Variants in ERGIC1 observed in about 807,000 individuals in gnomAD.
The protein encoded by ERGIC1 is endoplasmic reticulum-Golgi intermediate compartment protein 1.
ERGIC1 carries 19 observed loss-of-function variants against 38.3 expected under a neutral mutation model. The ratio of observed to expected loss-of-function variants is 0.50; its 90% CI spans 0.35 to 0.73. ERGIC1 has a LOEUF of 0.73. Ranked by LOEUF, ERGIC1 falls within the 30% of genes least tolerant of loss-of-function variation. ERGIC1 has a pLI of 0.01. For synonymous variants in ERGIC1, 124 were observed against 157.6 expected (o/e 0.79, Z 1.60); for missense variants, 294 against 389.2 (o/e 0.76, Z 2.06).
chr5:172,886,091 CCT>C (rs1762410716), intron 1 of ERGIC1, among the ~76,000 whole-genome samples: 1 of 152,004 alleles, frequency 6.6e-6, no homozygotes, highest in South Asian at 2.1e-4. Context: ...AATTTGCTGA[CCT>C]CTCACAGTCT....
chr5:172,944,121 T>G (rs921473431), intron 9 of ERGIC1, among the ~76,000 whole-genome samples: 1 of 152,168 alleles, frequency 6.6e-6, no homozygotes, highest in African/African-American at 2.4e-5. Context: ...TATTGAATTG[T>G]CCTTGTTTTT....
intron 8 of ERGIC1, chr5:172,933,329 T>A (rs1208240967): frequency 6.6e-6 from 1 of 152,206 alleles, no homozygotes; most frequent in Non-Finnish European, 1.5e-5. Flanking sequence ...CTGTCACTCA[T>A]TGAGTACTTC....
At chr5:172,868,106 C>G (rs1413683954) in intron 1 of ERGIC1, among the ~76,000 whole-genome samples, 1 of 152,270 alleles carries the variant, frequency 6.6e-6, no homozygotes, top group African/African-American at 2.4e-5. Context: ...ATGATAATCA[C>G]AGCTCACATC....
chr5:172,945,187 G>T (rs1379883442), intron 9 of ERGIC1, among the ~76,000 whole-genome samples: 1 of 152,202 alleles, frequency 6.6e-6, no homozygotes, highest in African/African-American at 2.4e-5. Context: ...CCAAAGGATG[G>T]AACCCACCTC....
chr5:172,942,598 G>A (rs1228886072), intron 9 of ERGIC1, among the ~76,000 whole-genome samples: 1 of 152,234 alleles, frequency 6.6e-6, no homozygotes, highest in African/African-American at 2.4e-5. Flanking sequence ...ACCCATATTA[G>A]GAGCTTGGTG....
chr5:172,873,855 G>C (rs2113178949), intron 1 of ERGIC1, among the ~76,000 whole-genome samples: 1 of 152,340 alleles, frequency 6.6e-6, no homozygotes, highest in Non-Finnish European at 1.5e-5. Context: ...GGAAATGCCA[G>C]TCCCCTTTCC....
intron 1 of ERGIC1, among the ~76,000 whole-genome samples, chr5:172,869,185 TC>T (rs35503604): frequency 6.6e-6 from 1 of 152,134 alleles, no homozygotes. Flanking sequence ...AGACAGATCT[TC>T]CCCCCTGGGG....
chr5:172,933,912 CAAAA>C (rs5873346), intron 8 of ERGIC1: 2 of 142,458 alleles, frequency 1.4e-5, no homozygotes, highest in East Asian at 2.0e-4. Flanking sequence ...CCTAGCCCAC[CAAAA>C]AAAAAAAGCC....
intron 1 of ERGIC1, among the ~76,000 whole-genome samples, chr5:172,883,889 G>A (rs777060892): frequency 1.3e-5 from 2 of 152,154 alleles, no homozygotes; most frequent in Non-Finnish European, 2.9e-5. Flanking sequence ...AGGCTGAGGT[G>A]GGAGGATCGC....
intron 3 of ERGIC1, among the ~76,000 whole-genome samples, chr5:172,909,108 C>T (rs1281634550): frequency 1.3e-5 from 2 of 151,602 alleles, no homozygotes; most frequent in African/African-American, 2.4e-5. Flanking sequence ...GAAAGATATG[C>T]TCTTACCACC....
intron 1 of ERGIC1, chr5:172,867,554 G>A (rs1430478196): frequency 1.4e-5 from 6 of 442,820 alleles, no homozygotes; most frequent in Non-Finnish European, 2.8e-5. Context: ...TTGGCTCACT[G>A]CAGAGGTGTT....
Position 172,935,176 on chromosome 5 carries a change from C to A in ERGIC1, c.643-12C>A. On this transcript the variant is annotated splice_polypyrimidine_tract_variant and intron_variant, in intron 8 of 9. Transcript: ENST00000393784. ...CAGTTTGTACTTCTGATTCTTATATCCTCTACCCCAGGAATACGTCGCCTA... is the reference window on the plus strand; with the variant it reads ...CAGTTTGTACTTCTGATTCTTATATACTCTACCCCAGGAATACGTCGCCTA... The A allele has an allele frequency of 6.2e-7, 1 of 1,614,028 alleles. No individual in the cohort carries two copies. Among genetic ancestry groups the A allele is most frequent in the East Asian group, 2.2e-5 (1 of 44,872 alleles).
chr5:172,863,267 A>G (rs912394554), intron 1 of ERGIC1, among the ~76,000 whole-genome samples: 1 of 152,202 alleles, frequency 6.6e-6, no homozygotes, highest in African/African-American at 2.4e-5. Flanking sequence ...TCTTTTTACT[A>G]AAAAGTGAGA....
Position 172,834,583 on chromosome 5 carries a change from C to T in ERGIC1, c.20+150C>T, listed in dbSNP as rs1250358629. ...GGCCCCTAGGGACCCCAGGCGAGCCCCCCCCCTGCCGCACACGAAGCCAGC... is the reference window on the plus strand; with the variant it reads ...GGCCCCTAGGGACCCCAGGCGAGCCTCCCCCCTGCCGCACACGAAGCCAGC... On this transcript the variant is annotated intron_variant, in intron 1 of 9. Transcript: ENST00000393784. The surrounding 1 kb of genome is among the most constrained non-coding windows in gnomAD (Gnocchi z 4.1). 2 of 709,866 alleles carry T rather than the reference C, an allele frequency of 2.8e-6. No homozygotes were observed. Among genetic ancestry groups the T allele is most frequent in the African/African-American group, 2.1e-5 (1 of 46,536 alleles). 44.0% of individuals were successfully genotyped at this position (709,866 alleles called of 1,614,324 possible). A position where few individuals can be genotyped will look rare whatever the true frequency, so the allele number is the denominator to read the frequency against.
chr5:172,862,704 A>G (rs1252317792), intron 1 of ERGIC1, among the ~76,000 whole-genome samples: 2 of 152,228 alleles, frequency 1.3e-5, no homozygotes, highest in African/African-American at 2.4e-5. Flanking sequence ...TCAAATTTCA[A>G]TCACTCTAGG....
intron 8 of ERGIC1, 41 bp from the exon 9 acceptor site, chr5:172,935,147 G>A (rs1763860749): frequency 1.9e-6 from 3 of 1,613,364 alleles, no homozygotes; most frequent in East Asian, 4.5e-5. Flanking sequence ...CCCCCCCTGA[G>A]ACACAGTTTG....
chr5:172,862,420 T>C (rs2113109044), intron 1 of ERGIC1, among the ~76,000 whole-genome samples: 1 of 146,666 alleles, frequency 6.8e-6, no homozygotes, highest in East Asian at 2.0e-4. Context: ...ACCACACAAA[T>C]GGGCATGTGT....
At chr5:172,932,803 A>C in intron 8 of ERGIC1, 1 of 427,670 alleles carries the variant, frequency 2.3e-6, no homozygotes, top group Non-Finnish European at 4.2e-6. Flanking sequence ...TCTCTGTCCT[A>C]CAAAGGTCCT....
chr5:172,843,984 G>A (rs767652572), intron 1 of ERGIC1, among the ~76,000 whole-genome samples: 30 of 152,200 alleles, frequency 2.0e-4, no homozygotes, highest in Non-Finnish European at 3.2e-4. Context: ...CTTTCCTGGC[G>A]GCATAGTCCT....
Sources: gnomAD v4.1 joint callset for allele counts (sites outside exome capture counted in the v4.1 genomes callset) on GRCh38, gnomAD v4.1.1 for gene constraint, Gnocchi (gnomAD v3.1) non-coding constraint, MANE v1.5 for transcripts, NCBI Gene and HGNC (gene_info 2026-07-23, HGNC 2026-07-21) for gene names.